SPATS1: variants seen among roughly 807,000 people sequenced by gnomAD.
The protein encoded by SPATS1 is spermatogenesis associated serine rich 1.
A neutral mutation model predicts 33.6 loss-of-function variants in SPATS1; 23 were observed. The ratio of observed to expected loss-of-function variants is 0.68; its 90% CI spans 0.49 to 0.97. The LOEUF (loss-of-function observed/expected upper bound fraction) is 0.97, where lower values mean the gene tolerates loss of function less well. SPATS1 is among the 50% of genes least tolerant of loss of function. SPATS1 has a pLI of 0.00. For synonymous variants in SPATS1, 131 were observed against 125.6 expected (o/e 1.04, Z -0.29); for missense variants, 327 against 361.0 (o/e 0.91, Z 0.76).
chr6:44,372,624 G>A (rs1789697944), intron 7 of SPATS1, among the ~76,000 whole-genome samples: 1 of 151,978 alleles, frequency 6.6e-6, no homozygotes, highest in Non-Finnish European at 1.5e-5. Flanking sequence ...ACCACACCCA[G>A]CTAATTTTTG....
chr6:44,368,235 C>A lies in SPATS1; in HGVS notation c.575-144C>A, dbSNP rs111776102. The A allele has an allele frequency of 4.6e-6, 4 of 863,794 alleles. No individual in the cohort carries two copies. In the South Asian group the frequency reaches 1.1e-4, roughly 24 times the overall value. 53.5% of individuals were successfully genotyped at this position (863,794 alleles called of 1,614,324 possible). ...GCTCATCTCCTTAAGGCAAGATAATCACAAACAGAACTTTGAGAAACTTCT... is the reference window on the plus strand; with the variant it reads ...GCTCATCTCCTTAAGGCAAGATAATAACAAACAGAACTTTGAGAAACTTCT... On this transcript the variant is annotated intron_variant, in intron 5 of 8. Coordinates refer to ENST00000674044, the MANE Select transcript of SPATS1 (RefSeq NM_001372081.1).
intron 5 of SPATS1, among the ~76,000 whole-genome samples, chr6:44,365,989 A>G (rs754117222): frequency 3.9e-5 from 6 of 152,214 alleles, no homozygotes; most frequent in South Asian, 2.1e-4. Context: ...TTAAACAAAC[A>G]TGTTATCTCA....
chr6:44,358,023 A>T (rs1376029173), intron 3 of SPATS1, among the ~76,000 whole-genome samples: 2 of 152,192 alleles, frequency 1.3e-5, no homozygotes, highest in Non-Finnish European at 2.9e-5. Context: ...TAAGCAGAGG[A>T]GAGTGACAGT....
chr6:44,348,195 G>A (rs1788019480), intron 2 of SPATS1, among the ~76,000 whole-genome samples: 1 of 152,000 alleles, frequency 6.6e-6, no homozygotes, highest in Admixed American at 6.6e-5. Context: ...TTTTGGTAGA[G>A]ACGGAGTTTC....
At position 44,377,234 on chromosome 6, in the gene SPATS1, G is replaced by T; in HGVS notation, c.*171G>T. 1 of 725,470 alleles carries T rather than the reference G, an allele frequency of 1.4e-6. No individual in the cohort carries two copies. Among genetic ancestry groups the T allele is most frequent in the Non-Finnish European group, 2.3e-6 (1 of 440,804 alleles). The allele number at this position is 725,470 out of a possible 1,614,324, so 44.9% of individuals were successfully genotyped here. ...TGAAAACTTTCACATTTACATAAAA[G>T]TTGCAAGAATTGTACAACAAACACC... is the stretch of plus-strand genomic sequence containing the variant. On this transcript the variant is annotated 3_prime_UTR_variant, in exon 9 of 9. Coordinates refer to ENST00000674044, the MANE Select transcript of SPATS1 (RefSeq NM_001372081.1).
chr6:44,349,787 T>C (rs1788127111), intron 2 of SPATS1, among the ~76,000 whole-genome samples: 1 of 152,242 alleles, frequency 6.6e-6, no homozygotes, highest in South Asian at 2.1e-4. Flanking sequence ...ATGATTTCCA[T>C]TACAATTTCT....
chr6:44,342,815 G>T (rs990492856), intron 1 of SPATS1, 47 bp downstream of exon 1: 7 of 887,202 alleles, frequency 7.9e-6, no homozygotes, highest in East Asian at 4.2e-5. Flanking sequence ...CCTGGGGAAG[G>T]GGGTGGGAAG....
rs1204863828 is a variant in SPATS1 at position 44,378,666 on chromosome 6, G to A, written c.*1603G>A. On this transcript the variant is annotated 3_prime_UTR_variant, in exon 9 of 9. Coordinates refer to ENST00000674044, the MANE Select transcript of SPATS1 (RefSeq NM_001372081.1). ...GGCACCTGTAATCCCTGGTACTCGG[G>A]AGGCTGAGGCAGGAGAATCTCTTGA... 6.6e-6 allele frequency: 1 copy of A among 152,352 alleles called. No individual in the cohort carries two copies. The highest frequency in any genetic ancestry group is 1.5e-5 in the Non-Finnish European group (1 of 68,206). 9.4% of individuals were successfully genotyped at this position (152,352 alleles called of 1,614,324 possible).
At chr6:44,349,978 G>A (rs1788138390) in intron 2 of SPATS1, among the ~76,000 whole-genome samples, 1 of 152,090 alleles carries the variant, frequency 6.6e-6, no homozygotes, top group African/African-American at 2.4e-5. Flanking sequence ...GGTTACTGGG[G>A]ACCCGTCTCC....
At chr6:44,350,898 T>C (rs1583079092) in intron 2 of SPATS1, among the ~76,000 whole-genome samples, 1 of 150,772 alleles carries the variant, frequency 6.6e-6, no homozygotes, top group South Asian at 2.1e-4. Flanking sequence ...CTGAGGCAGG[T>C]GGATTGCTTG....
At chr6:44,355,999 T>C (rs1328838983) in intron 3 of SPATS1, among the ~76,000 whole-genome samples, 6 of 152,204 alleles carry the variant, frequency 3.9e-5, no homozygotes, top group Non-Finnish European at 7.3e-5. Context: ...AGTCAAAGCA[T>C]GTGTAGCCGA....
chr6:44,366,278 C>T (rs1411389583), intron 5 of SPATS1, among the ~76,000 whole-genome samples: 1 of 152,034 alleles, frequency 6.6e-6, no homozygotes, highest in African/African-American at 2.4e-5. Flanking sequence ...GCATGTGCCA[C>T]CATGCCCAGC....
At chr6:44,368,585 G>C in intron 6 of SPATS1, 86 bp downstream of exon 6, 1 of 1,292,608 alleles carries the variant, frequency 7.7e-7, no homozygotes. Context: ...TTTTAAAAGG[G>C]ATAGATGTCA....
rs1004804491 is a variant in SPATS1, at chr6:44,379,068, A to G, written c.*2005A>G. 1.6e-4 allele frequency: 24 copies of G among 152,282 alleles called. No individual in the cohort carries two copies. The highest frequency in any genetic ancestry group is 1.4e-3 in the Admixed American group (21 of 15,290). The allele number at this position is 152,282 out of a possible 1,614,324, so 9.4% of individuals were successfully genotyped here. On this transcript the variant is annotated 3_prime_UTR_variant, in exon 9 of 9. Coordinates refer to ENST00000674044, the MANE Select transcript of SPATS1 (RefSeq NM_001372081.1). ...GATAATAATTTTTTGTGCCTCTATT[A>G]CTTAAATGTAAAAAAGTCTTCTTTC...
At chr6:44,361,397 C>T (rs1788912174) in intron 4 of SPATS1, 3 of 985,432 alleles carry the variant, frequency 3.0e-6, no homozygotes, top group Non-Finnish European at 3.6e-6. Context: ...TTGCAGCCAA[C>T]ACCATGTTTC....
chr6:44,363,137 C>CTT (rs35447842), intron 5 of SPATS1, among the ~76,000 whole-genome samples: 156 of 146,590 alleles, frequency 1.1e-3, no homozygotes, highest in East Asian at 2.6e-3. Flanking sequence ...GTGCCCAGCA[C>CTT]TTTTTTTTTT....
chr6:44,363,556 C>T (rs969143846), intron 5 of SPATS1, among the ~76,000 whole-genome samples: 2 of 152,140 alleles, frequency 1.3e-5, no homozygotes, highest in South Asian at 2.1e-4. Context: ...AGTAAACCAC[C>T]TTATCCTGAA....
At chr6:44,347,146 T>C (rs899703030) in intron 2 of SPATS1, among the ~76,000 whole-genome samples, 33 of 152,326 alleles carry the variant, frequency 2.2e-4, no homozygotes, top group African/African-American at 7.9e-4. Context: ...ACACTGCATG[T>C]TCTTACTTAT....
At chr6:44,357,331 C>G (rs868459638) in intron 3 of SPATS1, among the ~76,000 whole-genome samples, 1 of 152,104 alleles carries the variant, frequency 6.6e-6, no homozygotes, top group Non-Finnish European at 1.5e-5. Context: ...ATGCTATTCT[C>G]CTTTTTCTGG....
Sources: gnomAD v4.1 joint callset for allele counts (sites outside exome capture counted in the v4.1 genomes callset) on GRCh38, gnomAD v4.1.1 for gene constraint, MANE v1.5 for transcripts, NCBI Gene and HGNC (gene_info 2026-07-23, HGNC 2026-07-21) for gene names.